Variants in MATK observed in about 807,000 individuals in gnomAD.
MATK encodes megakaryocyte-associated tyrosine-protein kinase.
MATK carries 41 observed loss-of-function variants against 59.8 expected under a neutral mutation model. The observed-to-expected ratio is 0.69, with a 90% CI of 0.53 to 0.89. The LOEUF (loss-of-function observed/expected upper bound fraction) is 0.89. MATK is among the 40% of genes least tolerant of loss of function. The probability of loss-of-function intolerance (pLI) is 0.00; values close to 1 mark genes in which losing one functional copy is unlikely to be tolerated. For synonymous variants in MATK, 308 were observed against 306.1 expected, an observed-to-expected ratio of 1.01 and a Z score of -0.06; for missense variants, 593 against 719.6, an observed-to-expected ratio of 0.82 and a Z score of 2.01.
intron 1 of MATK, among the ~76,000 whole-genome samples, chr19:3,793,981 C>T (rs1249145127): frequency 6.6e-6 from 1 of 152,192 alleles, no homozygotes; most frequent in African/African-American, 2.4e-5. Flanking sequence ...CTCTCTGCTC[C>T]CAGCTTCTCC....
chr19:3,783,691 C>T (rs989746807), intron 6 of MATK, 123 bp downstream of exon 6: 70 of 854,682 alleles, frequency 8.2e-5, no homozygotes, highest in Admixed American at 2.1e-4. Flanking sequence ...ATGGTGTCTG[C>T]CCAGCTGCTG....
At chr19:3,779,505 C>T (rs1400007157) in intron 10 of MATK, 28 bp downstream of exon 10, 2 of 1,600,698 alleles carry the variant, frequency 1.2e-6, no homozygotes, top group Non-Finnish European at 1.7e-6. Flanking sequence ...GCTGCGTGGG[C>T]CCCCTCCCCG....
intron 11 of MATK, 89 bp downstream of exon 11, chr19:3,779,289 C>A: frequency 6.4e-7 from 1 of 1,570,558 alleles, no homozygotes; most frequent in South Asian, 1.1e-5. Flanking sequence ...CAAAGCCTCC[C>A]TGCCCCGTGC....
chr19:3,798,557 G>C (rs2037615714), intron 1 of MATK, among the ~76,000 whole-genome samples: 1 of 152,170 alleles, frequency 6.6e-6, no homozygotes, highest in Non-Finnish European at 1.5e-5. Flanking sequence ...TTATTGCCCA[G>C]GCTGGAGTGC....
chr19:3,783,265 A>T (rs759108912), intron 6 of MATK, 46 bp from the exon 7 acceptor site: 1 of 935,472 alleles, frequency 1.1e-6, no homozygotes, highest in East Asian at 6.4e-5. Flanking sequence ...AGGGAGGGGA[A>T]CCCCAGCATC....
In MATK at chr19:3,785,092, C is replaced by G. The variant is rs774299917; in HGVS notation, c.44G>C (p.Gly15Ala). The change falls in exon 2 of 14, where the codon GGC (glycine) becomes GCC (alanine). Residue 15 changes from glycine to alanine, a missense_variant. Transcript: ENST00000310132. ...GSLVSWRAFH[G>A]CDSAEELPRV... is the part of the protein sequence containing the mutation. ...GGGAAGTTCCTCAGCAGAATCACAG[C>G]CGTGAAATGCCCGCCAGGAAACCAG... 4 of 1,613,998 alleles carry G rather than the reference C, an allele frequency of 2.5e-6. No individual in the cohort carries two copies. In the African/African-American group the frequency reaches 5.3e-5, roughly 22 times the overall value.
intron 7 of MATK, among the ~76,000 whole-genome samples, chr19:3,782,568 G>T (rs546150575): frequency 6.6e-6 from 1 of 152,376 alleles, no homozygotes; most frequent in South Asian, 2.1e-4. Context: ...TGACCTGGGA[G>T]GGGGTGGATG....
chr19:3,789,975 C>G (rs1204431801), upstream of MATK, among the ~76,000 whole-genome samples: 3 of 152,110 alleles, frequency 2.0e-5, no homozygotes, highest in African/African-American at 2.4e-5. Context: ...GATCTCAGCT[C>G]ACTGCAACCT....
intron 1 of MATK, among the ~76,000 whole-genome samples, chr19:3,801,320 AC>A (rs919818888): frequency 9.3e-5 from 14 of 150,732 alleles, no homozygotes; most frequent in African/African-American, 2.9e-4. Flanking sequence ...TTCCCAAACG[AC>A]CCCCGAGCCT....
chr19:3,786,099 C>G lies in MATK; in HGVS notation c.-152+70G>C, dbSNP rs1354275052. 1.5e-6 allele frequency: 1 copy of G among 689,010 alleles called. No homozygotes were observed. Among genetic ancestry groups the G allele is most frequent in the Non-Finnish European group, 1.8e-6 (1 of 558,884 alleles). The allele number at this position is 689,010 out of a possible 1,614,324, so 42.7% of individuals were successfully genotyped here. On this transcript the variant is annotated intron_variant, in intron 1 of 13. Transcript: ENST00000310132. The surrounding 1 kb of genome is among the most constrained non-coding windows in gnomAD (Gnocchi z 4.1). ...GCGCACGTCCCGGGCCCACCCCCGC[C>G]TAGAGCCCTCGGGGTTTCCCCCCAC...
intron 1 of MATK, among the ~76,000 whole-genome samples, chr19:3,797,382 G>A (rs7251001): frequency 0.059 from 8,799 of 149,722 alleles, 870 homozygotes; most frequent in African/African-American, 0.21. Context: ...CTGCAGCCTC[G>A]ACCTCCTGGG....
At chr19:3,801,689 G>A (rs2037645102) in exon 1 of MATK, 1 of 152,364 alleles carries the variant, frequency 6.6e-6, no homozygotes, top group South Asian at 2.1e-4. Context: ...ACCGCGGCCT[G>A]GTGGGACGAG....
chr19:3,783,671 G>A, intron 6 of MATK, 143 bp downstream of exon 6: 3 of 723,892 alleles, frequency 4.1e-6, no homozygotes, highest in Non-Finnish European at 7.0e-6. Context: ...GATCAGCACA[G>A]GAGGTAGGGA....
At chr19:3,793,203 G>A (rs1487896046) in intron 1 of MATK, 1 of 152,236 alleles carries the variant, frequency 6.6e-6, no homozygotes, top group Non-Finnish European at 1.5e-5. Context: ...GACGCAGCCG[G>A]ACAGGTTGTT....
intron 8 of MATK, 52 bp from the exon 9 acceptor site, chr19:3,779,849 G>C (rs1038974560): frequency 6.3e-6 from 7 of 1,115,984 alleles, no homozygotes; most frequent in Non-Finnish European, 9.6e-6. Context: ...CAACAAACAG[G>C]GACAGAGAGA....
In MATK at chr19:3,781,658, T is replaced by G. The variant is rs749945716; in HGVS notation, c.691A>C (p.Asn231His). The change falls in exon 8 of 14, where the codon AAC (asparagine) becomes CAC (histidine). Residue 231 changes from asparagine to histidine, a missense_variant. Transcript: ENST00000310132. ...GCTCCCAATGTCAAATGCTGCAGGT[T>G]CAGTAACCAGCCCGCTGTGGAGTGA... is the stretch of plus-strand genomic sequence containing the variant. ...EELARAGWLL[N>H]LQHLTLGAQI... The G allele has an allele frequency of 2.7e-5, 44 of 1,613,548 alleles. No individual in the cohort carries two copies. Among genetic ancestry groups the G allele is most frequent in the Non-Finnish European group, 3.6e-5 (42 of 1,179,946 alleles).
intron 1 of MATK, among the ~76,000 whole-genome samples, chr19:3,797,462 A>AT (rs1337210103): frequency 7.3e-5 from 11 of 151,270 alleles, no homozygotes; most frequent in African/African-American, 2.4e-4. Flanking sequence ...ATGCTGGCTA[A>AT]TTTTTTTGAT....
In MATK at chr19:3,779,728, T is replaced by C; in HGVS notation, c.812A>G (p.Gln271Arg). Reference sequence around the variant, plus strand: ...GACGGCCGTCTCGTCCAGGAAGGCCTGGGCTGTCACATCACACTTGATATT... The same window carrying C: ...GACGGCCGTCTCGTCCAGGAAGGCCCGGGCTGTCACATCACACTTGATATT... ...VKNIKCDVTA[Q>R]AFLDETAVMT... Residue 271 changes from glutamine (Q) to arginine (R), a missense_variant, in exon 9 of 14, where the codon CAG becomes CGG. By Grantham distance (43) the Gln-to-Arg change is conservative. Coordinates refer to ENST00000310132, the MANE Select transcript of MATK (RefSeq NM_139355.3). 1 of 1,612,994 alleles carries C rather than the reference T, an allele frequency of 6.2e-7. No homozygotes were observed.
chr19:3,792,923 C>T (rs549184537), intron 1 of MATK, among the ~76,000 whole-genome samples: 61 of 152,362 alleles, frequency 4.0e-4, no homozygotes, highest in Non-Finnish European at 6.5e-4. Context: ...AAGCCGTCCC[C>T]GGCCTAGCCG....
Sources: gnomAD v4.1 joint callset for allele counts (sites outside exome capture counted in the v4.1 genomes callset) on GRCh38, gnomAD v4.1.1 for gene constraint, Gnocchi (gnomAD v3.1) non-coding constraint, MANE v1.5 for transcripts, NCBI Gene and HGNC (gene_info 2026-07-23, HGNC 2026-07-21) for gene names.